The following JAK1 variants were observed in gnomAD, a reference collection of about 807,000 sequenced individuals.
JAK1 encodes Janus kinase 1, also known as tyrosine-protein kinase JAK1.
Under a neutral mutation model 136.6 loss-of-function variants are expected in JAK1, and 16 were observed. The ratio of observed to expected loss-of-function variants is 0.12; its 90% CI spans 0.08 to 0.18. The LOEUF is 0.18. Ranked by LOEUF, JAK1 falls within the 10% of genes least tolerant of loss-of-function variation. JAK1 has a pLI of 1.00. For missense variants in JAK1, 859 were observed against 1,450.1 expected (o/e 0.59, Z 6.62); for synonymous variants, 492 against 519.5 (o/e 0.95, Z 0.72).
Position 65,006,606 on chromosome 1 carries a change from G to A in JAK1, c.-78+37874C>T, listed in dbSNP as rs1646805818. ...AATCCTCCTGTCTTGGCCTCCCAAA[G>A]CACTGGGATTACAGGTATAAACCAC... On this transcript the variant is annotated intron_variant, in intron 2 of 25. Transcript: ENST00000671954. 4.6e-5 allele frequency among the ~76,000 whole-genome samples: 7 copies of A among 152,214 alleles called. No homozygotes were observed. The South Asian group carries it at 1.2e-3, about 27-fold the overall frequency.
chr1:64,864,089 G>A (rs1417510262), intron 8 of JAK1, among the ~76,000 whole-genome samples: 3 of 152,196 alleles, frequency 2.0e-5, no homozygotes, highest in Admixed American at 6.5e-5. Flanking sequence ...AGCACTGAGC[G>A]TTATCATTGT....
At chr1:64,973,739 A>G (rs1316860203) in intron 2 of JAK1, 2 of 152,000 alleles carry the variant, frequency 1.3e-5, no homozygotes, top group African/African-American at 4.8e-5. Flanking sequence ...TCACTAACCC[A>G]TTGAATCAGC....
chr1:64,876,999 A>G (rs941918544), intron 4 of JAK1, among the ~76,000 whole-genome samples: 23 of 152,206 alleles, frequency 1.5e-4, no homozygotes, highest in African/African-American at 5.5e-4. Context: ...AAGCAAGAAA[A>G]TATTTTTTGA....
intron 1 of JAK1, among the ~76,000 whole-genome samples, chr1:64,912,889 T>C (rs1283971273): frequency 1.3e-5 from 2 of 152,234 alleles, no homozygotes; most frequent in African/African-American, 2.4e-5. Context: ...GGAAAGAAAC[T>C]GGATTCAATG....
intron 1 of JAK1, among the ~76,000 whole-genome samples, chr1:64,919,108 C>G (rs552405173): frequency 1.3e-5 from 2 of 152,174 alleles, no homozygotes; most frequent in East Asian, 3.9e-4. Context: ...TGTTGGTGTG[C>G]TGCACCTGTT....
At chr1:64,985,914 G>A (rs1206093042) in intron 2 of JAK1, 42 of 781,712 alleles carry the variant, frequency 5.4e-5, no homozygotes, top group Non-Finnish European at 7.8e-5. Context: ...GCACCAAAGG[G>A]ACAAGCACAA....
At chr1:64,983,747 C>T (rs1646572299) in intron 2 of JAK1, among the ~76,000 whole-genome samples, 1 of 152,250 alleles carries the variant, frequency 6.6e-6, no homozygotes, top group South Asian at 2.1e-4. Context: ...CATCAACTGC[C>T]ATTAACTACA....
intron 1 of JAK1, among the ~76,000 whole-genome samples, chr1:64,919,210 C>T (rs1408951205): frequency 6.6e-6 from 1 of 152,166 alleles, no homozygotes. Context: ...TGTTGCTCTT[C>T]CTGTGTCCAA....
At chr1:65,032,517 A>AAC (rs546579066) in intron 2 of JAK1, among the ~76,000 whole-genome samples, 130 of 152,294 alleles carry the variant, frequency 8.5e-4, no homozygotes, top group African/African-American at 3.0e-3. Context: ...CAACAACAAC[A>AAC]ACAACAAAAA....
Position 64,904,113 on chromosome 1 carries a change from A to G in JAK1, c.-77-17772T>C, listed in dbSNP as rs185679554. Among the ~76,000 whole-genome samples the G allele has an allele frequency of 8.0e-4, 122 of 152,348 alleles. 1 individual carries two copies. In the Middle Eastern group the frequency reaches 0.01, roughly 13 times the overall value. ...AGACACTATGGTTCTAGTAAGGAAC[A>G]AAAAAGACAAGGTTCTTTAATATAG... On this transcript the variant is annotated intron_variant, in intron 1 of 24. Coordinates refer to ENST00000342505, the MANE Select transcript of JAK1 (RefSeq NM_002227.4).
intron 1 of JAK1, among the ~76,000 whole-genome samples, chr1:64,911,085 G>GAAA (rs11406658): frequency 2.7e-5 from 4 of 147,762 alleles, no homozygotes; most frequent in Non-Finnish European, 3.0e-5. Flanking sequence ...ATTCAGGAGT[G>GAAA]AAAAAAAAAA....
intron 1 of JAK1, among the ~76,000 whole-genome samples, chr1:64,913,720 G>GAAA (rs1440208646): frequency 1.5e-5 from 2 of 137,328 alleles, no homozygotes; most frequent in Non-Finnish European, 1.6e-5. Context: ...AGGGAGGGAG[G>GAAA]GAGGGAGGGA....
chr1:64,973,383 GA>G (rs377229593), intron 2 of JAK1, among the ~76,000 whole-genome samples: 43 of 151,534 alleles, frequency 2.8e-4, no homozygotes, highest in African/African-American at 1.0e-3. Context: ...GAAAAGAAAA[GA>G]AAGATTTAAG....
At chr1:65,006,589 T>C (rs914168292) in intron 2 of JAK1, among the ~76,000 whole-genome samples, 1 of 152,188 alleles carries the variant, frequency 6.6e-6, no homozygotes, top group African/African-American at 2.4e-5. Flanking sequence ...ATAATCCTCC[T>C]GTCTTGGCCT....
At chr1:64,873,318 A>G (rs552466840) in intron 5 of JAK1, 52 bp downstream of exon 5, 5 of 1,608,392 alleles carry the variant, frequency 3.1e-6, no homozygotes, top group South Asian at 2.2e-5. Flanking sequence ...GAGCTCTACA[A>G]TGCCTCTCCC....
At chr1:65,012,599 C>A (rs976796183) in intron 2 of JAK1, among the ~76,000 whole-genome samples, 6 of 152,060 alleles carry the variant, frequency 3.9e-5, no homozygotes, top group Non-Finnish European at 8.8e-5. Flanking sequence ...CCAATTTGAG[C>A]CTCTATCTCC....
At chr1:64,867,320 T>A (rs192578851) in intron 6 of JAK1, 112 bp from the exon 7 acceptor site, 482 of 734,462 alleles carry the variant, frequency 6.6e-4, no homozygotes, top group Admixed American at 1.1e-3. Flanking sequence ...GAAAGGGAGA[T>A]CTATTCCCAG....
intron 1 of JAK1, among the ~76,000 whole-genome samples, chr1:64,939,868 C>T (rs929879333): frequency 1.6e-4 from 25 of 152,152 alleles, no homozygotes; most frequent in Non-Finnish European, 7.4e-5. Context: ...TGGCTCAATA[C>T]TATTTCTTTA....
intron 12 of JAK1, among the ~76,000 whole-genome samples, chr1:64,848,897 GA>G (rs1249548164): frequency 6.6e-6 from 1 of 152,192 alleles, no homozygotes; most frequent in East Asian, 1.9e-4. Flanking sequence ...TGTCAGAGCC[GA>G]ATGGCGATGC....
Sources: gnomAD v4.1 joint callset for allele counts (sites outside exome capture counted in the v4.1 genomes callset) on GRCh38, gnomAD v4.1.1 for gene constraint, MANE v1.5 for transcripts, NCBI Gene and HGNC (gene_info 2026-07-23, HGNC 2026-07-21) for gene names.